EXOC2: variants seen among roughly 807,000 people sequenced by gnomAD.
EXOC2 encodes exocyst complex component 2, also known as SEC5-like 1.
A neutral mutation model predicts 131.8 loss-of-function variants in EXOC2; 70 were observed. The ratio of observed to expected loss-of-function variants is 0.53; its 90% CI spans 0.44 to 0.65. The LOEUF (loss-of-function observed/expected upper bound fraction) is 0.65. Among genes scored for constraint, EXOC2 ranks in the 30% least tolerant of loss-of-function variants. The probability of loss-of-function intolerance (pLI) is 0.00; values close to 1 mark genes in which losing one functional copy is unlikely to be tolerated. For synonymous variants in EXOC2, 411 were observed against 398.4 expected (o/e 1.03, Z -0.38); for missense variants, 923 against 1,108.6 (o/e 0.83, Z 2.38).
intron 17 of EXOC2, among the ~76,000 whole-genome samples, chr6:561,573 G>A (rs552206524): frequency 2.6e-5 from 4 of 152,232 alleles, no homozygotes; most frequent in South Asian, 4.1e-4. Flanking sequence ...ACTGCTAGTT[G>A]CCTCCTAGGA....
intron 12 of EXOC2, 70 bp downstream of exon 12, chr6:576,687 A>G (rs543288112): frequency 6.3e-7 from 1 of 1,575,000 alleles, no homozygotes; most frequent in Admixed American, 1.8e-5. Context: ...GAATTTTCCA[A>G]GAGAAGAATG....
At chr6:672,767 T>C (rs149567085) in intron 1 of EXOC2, among the ~76,000 whole-genome samples, 144 of 152,298 alleles carry the variant, frequency 9.5e-4, no homozygotes, top group African/African-American at 3.4e-3. Context: ...CTGTTTAGCT[T>C]TTTCCTTATT....
At chr6:550,502 G>A (rs1394756414) in intron 21 of EXOC2, among the ~76,000 whole-genome samples, 2 of 152,146 alleles carry the variant, frequency 1.3e-5, no homozygotes, top group African/African-American at 4.8e-5. Flanking sequence ...AAAAGGCCTA[G>A]GGAGTATTAA....
intron 1 of EXOC2, among the ~76,000 whole-genome samples, chr6:671,770 G>C (rs906823096): frequency 3.3e-5 from 5 of 152,098 alleles, no homozygotes; most frequent in Admixed American, 6.6e-5. Flanking sequence ...CTGAAAAAAA[G>C]TCTGATGTAA....
intron 1 of EXOC2, chr6:656,065 A>G (rs1477879009): frequency 6.9e-7 from 1 of 1,451,320 alleles, no homozygotes; most frequent in East Asian, 2.3e-5. Flanking sequence ...TTAGTTTTGA[A>G]AAGATCAAAA....
chr6:656,556 T>C, intron 1 of EXOC2: 2 of 1,594,512 alleles, frequency 1.3e-6, no homozygotes, highest in African/African-American at 1.3e-5. Context: ...GGGCAGATCG[T>C]GCACCACGCT....
chr6:657,005 C>G (rs1284184529), intron 1 of EXOC2: 59 of 1,376,870 alleles, frequency 4.3e-5, no homozygotes, highest in Non-Finnish European at 5.8e-5. Flanking sequence ...ACAAGCCCTT[C>G]CGGTCCGCTG....
intron 4 of EXOC2, among the ~76,000 whole-genome samples, chr6:624,122 T>C (rs1356625717): frequency 6.6e-6 from 1 of 151,982 alleles, no homozygotes; most frequent in Admixed American, 6.6e-5. Context: ...TGATCTTTTA[T>C]GCAAACACCT....
chr6:641,067 G>A (rs564293257), intron 1 of EXOC2, among the ~76,000 whole-genome samples: 4 of 152,106 alleles, frequency 2.6e-5, no homozygotes, highest in Non-Finnish European at 5.9e-5. Context: ...TGTAGTAACT[G>A]ACCACCGGTT....
At position 501,684 on chromosome 6, in the gene EXOC2, CTATAAAAGATATATATATCTCTA is replaced by C. The variant is rs766687627; in HGVS notation, c.2381-2007_2381-1985del. On this transcript the variant is annotated intron_variant, in intron 23 of 27. Coordinates refer to ENST00000230449, the MANE Select transcript of EXOC2 (RefSeq NM_018303.6). ...ATCTATCTATAAAAGATATATATAT[CTATAAAAGATATATATATCTCTA>C]TATAAAAGATATATCTATCTATGTA... Among the ~76,000 whole-genome samples the C allele has an allele frequency of 9.0e-3, 1,045 of 115,796 alleles. 6 individuals carry two copies. The highest frequency in any genetic ancestry group is 0.014 in the Non-Finnish European group (849 of 59,138). The allele number at this position is 115,796 out of a possible 152,430, so 76.0% of individuals were successfully genotyped here.
chr6:595,750 G>A (rs769316942), intron 10 of EXOC2, among the ~76,000 whole-genome samples: 3 of 152,010 alleles, frequency 2.0e-5, no homozygotes, highest in Non-Finnish European at 4.4e-5. Flanking sequence ...ACGCAGTGAA[G>A]GAGCAGGGCA....
At position 533,557 on chromosome 6, in the gene EXOC2, T is replaced by A. The variant is rs1766235778; in HGVS notation, c.2239-947A>T. ...CAAAAAGGAACAGGAAAGACCCCTA[T>A]CAGTAAGTCCTGTCCTTGGCACAGT... On this transcript the variant is annotated intron_variant, in intron 22 of 27. Transcript: ENST00000230449. Among the ~76,000 whole-genome samples the A allele has an allele frequency of 3.9e-5, 6 of 152,200 alleles. 1 individual carries two copies.
intron 17 of EXOC2, among the ~76,000 whole-genome samples, chr6:562,037 T>C (rs1757726326): frequency 6.6e-6 from 1 of 152,192 alleles, no homozygotes; most frequent in South Asian, 2.1e-4. Context: ...TGGACTTTCT[T>C]CCTGACAGCA....
At chr6:647,335 G>C (rs553451784) in intron 1 of EXOC2, among the ~76,000 whole-genome samples, 1 of 151,762 alleles carries the variant, frequency 6.6e-6, no homozygotes, top group Admixed American at 6.6e-5. Flanking sequence ...AAGATGATTA[G>C]TACAAACATC....
rs183652455 is a variant in EXOC2, at chr6:664,451, A to G, written c.-43-26590T>C. ...TAGAAAAAGCAATTCTAAAATTCAT[A>G]TGAAACCAAAAAAGAGCCCGCATAG... is the stretch of plus-strand genomic sequence containing the variant. On this transcript the variant is annotated intron_variant, in intron 1 of 27. Transcript: ENST00000230449. 2.1e-3 allele frequency among the ~76,000 whole-genome samples: 314 copies of G among 152,334 alleles called. 7 individuals are homozygous for G. The highest frequency in any genetic ancestry group is 6.0e-4 in the Non-Finnish European group (41 of 68,030).
chr6:517,977 AG>A (rs1765249899), intron 23 of EXOC2, among the ~76,000 whole-genome samples: 1 of 152,338 alleles, frequency 6.6e-6, no homozygotes, highest in Non-Finnish European at 1.5e-5. Context: ...AAGTGACTCA[AG>A]AGAGGTTTAT....
intron 10 of EXOC2, among the ~76,000 whole-genome samples, chr6:593,542 C>A (rs1479381561): frequency 1.3e-5 from 2 of 152,184 alleles, no homozygotes; most frequent in Non-Finnish European, 2.9e-5. Flanking sequence ...TCCATAGAGA[C>A]CATTTACTTC....
chr6:627,961 A>G (rs144465991), intron 4 of EXOC2, among the ~76,000 whole-genome samples: 295 of 152,354 alleles, frequency 1.9e-3, no homozygotes, highest in African/African-American at 6.7e-3. Context: ...ATTTTAAAAC[A>G]CTTTAGTACC....
At chr6:659,651 A>G (rs1763321673) in intron 1 of EXOC2, among the ~76,000 whole-genome samples, 1 of 152,172 alleles carries the variant, frequency 6.6e-6, no homozygotes, top group Non-Finnish European at 1.5e-5. Flanking sequence ...CCTGGAGCTG[A>G]GTCAATCTGG....
Sources: allele counts gnomAD v4.1 joint callset (sites outside exome capture counted in the v4.1 genomes callset), GRCh38; gene constraint gnomAD v4.1.1; transcripts MANE v1.5; gene names NCBI Gene and HGNC (gene_info 2026-07-23, HGNC 2026-07-21).